Variants in TBC1D19 observed in about 807,000 individuals in gnomAD.
The protein encoded by TBC1D19 is TBC1 domain family member 19.
TBC1D19 carries 60 observed loss-of-function variants against 89.0 expected under a neutral mutation model. The ratio of observed to expected loss-of-function variants is 0.67; its 90% CI spans 0.55 to 0.84. The LOEUF (loss-of-function observed/expected upper bound fraction) is 0.84, where lower values mean the gene tolerates loss of function less well. Ranked by LOEUF, TBC1D19 falls within the 40% of genes least tolerant of loss-of-function variation. The pLI is 0.00. For missense variants in TBC1D19, 500 were observed against 610.8 expected (o/e 0.82, Z 1.91); for synonymous variants, 189 against 199.7 (o/e 0.95, Z 0.45).
chr4:26,786,803 G>A, the TBC1D19 span, among the ~76,000 whole-genome samples: 2 of 151,912 alleles, frequency 1.3e-5, no homozygotes, highest in African/African-American at 4.8e-5. Context: ...ATGGGTGGGT[G>A]GAAGGATGGA....
At chr4:26,671,922 T>A (rs1459675922) in intron 9 of TBC1D19, among the ~76,000 whole-genome samples, 1 of 151,832 alleles carries the variant, frequency 6.6e-6, no homozygotes, top group African/African-American at 2.4e-5. Context: ...AAAGGGAAAA[T>A]TCATTCATCA....
intron 5 of TBC1D19, 22 bp downstream of exon 5, chr4:26,637,307 T>C (rs1458675790): frequency 6.4e-7 from 1 of 1,568,218 alleles, no homozygotes; most frequent in Non-Finnish European, 8.8e-7. Context: ...CATTTTTCTG[T>C]TTAAGTATTT....
At chr4:26,673,633 A>C (rs1712533160) in intron 10 of TBC1D19, 143 bp from the exon 11 acceptor site, 2 of 633,720 alleles carry the variant, frequency 3.2e-6, no homozygotes, top group Admixed American at 2.8e-5. Context: ...CCAGAGAATA[A>C]ATTTTAAAAG....
In TBC1D19 at chr4:26,755,822, G is replaced by C. The variant is rs1719237041; in HGVS notation, c.*875G>C. Among the ~76,000 whole-genome samples the C allele has an allele frequency of 6.6e-6, 1 of 152,144 alleles. No individual in the cohort carries two copies. The highest frequency in any genetic ancestry group is 2.4e-5 in the African/African-American group (1 of 41,440). On this transcript the variant is annotated 3_prime_UTR_variant, in exon 21 of 21. Coordinates refer to ENST00000264866, the MANE Select transcript of TBC1D19 (RefSeq NM_018317.4). ...AGCAGCTGAGAGAGATTAAAAGTAGGTAGTAGGCATTCATTCTAAACTGCA... is the reference window on the plus strand; with the variant it reads ...AGCAGCTGAGAGAGATTAAAAGTAGCTAGTAGGCATTCATTCTAAACTGCA...
intron 4 of TBC1D19, among the ~76,000 whole-genome samples, chr4:26,631,295 A>G (rs1272112099): frequency 2.3e-4 from 35 of 152,172 alleles, no homozygotes; most frequent in African/African-American, 2.4e-5. Context: ...TTTATGACAT[A>G]TGGACTGATA....
intron 1 of TBC1D19, among the ~76,000 whole-genome samples, chr4:26,589,230 G>A (rs138648062): frequency 5.7e-4 from 86 of 152,158 alleles, no homozygotes; most frequent in African/African-American, 2.0e-3. Context: ...AGCCAAGATC[G>A]TGCCACTGCC....
chr4:26,830,572 A>G, the TBC1D19 span, among the ~76,000 whole-genome samples: 3 of 152,112 alleles, frequency 2.0e-5, no homozygotes, highest in African/African-American at 7.2e-5. Context: ...ATCTTCTGTT[A>G]CTGGGTATCT....
chr4:26,847,716 G>A, the TBC1D19 span, among the ~76,000 whole-genome samples: 798 of 152,292 alleles, frequency 5.2e-3, 4 homozygotes, highest in African/African-American at 0.018. Flanking sequence ...GAGGGCACAG[G>A]CAAAACAGGG....
chr4:26,595,468 G>A (rs1333439318), intron 1 of TBC1D19, among the ~76,000 whole-genome samples: 1 of 152,072 alleles, frequency 6.6e-6, no homozygotes, highest in South Asian at 2.1e-4. Context: ...ATTTGGTATT[G>A]TGTCTAGAAA....
intron 15 of TBC1D19, among the ~76,000 whole-genome samples, chr4:26,728,438 A>G (rs1717447973): frequency 6.6e-6 from 1 of 152,226 alleles, no homozygotes; most frequent in African/African-American, 2.4e-5. Flanking sequence ...GTTAGAAAAG[A>G]CAAACTTTGT....
intron 1 of TBC1D19, among the ~76,000 whole-genome samples, chr4:26,611,636 TG>T (rs1409231093): frequency 6.6e-6 from 1 of 152,176 alleles, no homozygotes; most frequent in African/African-American, 2.4e-5. Flanking sequence ...AGTAATTCAT[TG>T]GGGATTGCAA....
chr4:26,748,968 C>T (rs1718798510), intron 19 of TBC1D19, among the ~76,000 whole-genome samples: 1 of 152,230 alleles, frequency 6.6e-6, no homozygotes. Context: ...GAAACCTCAG[C>T]TCTTCTGTGT....
chr4:26,610,391 A>G lies in TBC1D19; in HGVS notation c.100-2778A>G, dbSNP rs1227628388. 7.6e-5 allele frequency among the ~76,000 whole-genome samples: 11 copies of G among 145,420 alleles called. 1 individual carries two copies. The highest frequency in any genetic ancestry group is 6.1e-4 in the Admixed American group (9 of 14,652). On this transcript the variant is annotated intron_variant, in intron 1 of 20. Transcript: ENST00000264866. ...CTCCGTTTCTGATAACATGATATTT[A>G]TGGTAATCACTTTTCTGCATTTCTT... is the stretch of plus-strand genomic sequence containing the variant.
At chr4:26,670,264 A>G (rs1251860277) in intron 9 of TBC1D19, among the ~76,000 whole-genome samples, 1 of 150,922 alleles carries the variant, frequency 6.6e-6, no homozygotes, top group Non-Finnish European at 1.5e-5. Context: ...TATGTTACGG[A>G]TCCCAGACAC....
rs117969987 is a variant in TBC1D19 at position 26,742,772 on chromosome 4, C to A, written c.1319+173C>A. Reference sequence around the variant, plus strand: ...TTGTAATAACATTGTTCCAAAAATTCTTGAAAGAATTACCAAAATCCTAAT... The same window carrying A: ...TTGTAATAACATTGTTCCAAAAATTATTGAAAGAATTACCAAAATCCTAAT... On this transcript the variant is annotated intron_variant, in intron 18 of 20. Transcript: ENST00000264866. Among the ~76,000 whole-genome samples the A allele has an allele frequency of 3.9e-5, 6 of 152,136 alleles. No individual in the cohort carries two copies. The East Asian group carries it at 1.2e-3, about 29-fold the overall frequency.
chr4:26,684,176 T>C (rs571274308), intron 12 of TBC1D19, among the ~76,000 whole-genome samples: 2 of 152,308 alleles, frequency 1.3e-5, no homozygotes, highest in South Asian at 4.1e-4. Flanking sequence ...GACATATGGC[T>C]AAGTATATCT....
chr4:26,816,775 A>C, the TBC1D19 span, among the ~76,000 whole-genome samples: 1 of 152,092 alleles, frequency 6.6e-6, no homozygotes, highest in African/African-American at 2.4e-5. Flanking sequence ...CACAAACCTA[A>C]TACATGTCAA....
chr4:26,802,660 A>T, the TBC1D19 span, among the ~76,000 whole-genome samples: 1 of 152,236 alleles, frequency 6.6e-6, no homozygotes. Flanking sequence ...ATAAAGCAAG[A>T]TACAGAAAAA....
intron 7 of TBC1D19, among the ~76,000 whole-genome samples, chr4:26,647,765 C>G (rs1028877270): frequency 2.0e-5 from 3 of 152,056 alleles, no homozygotes; most frequent in Non-Finnish European, 2.9e-5. Flanking sequence ...TTTGTTTTAT[C>G]TGCTGGCAAT....
Sources: gnomAD v4.1 joint callset for allele counts (sites outside exome capture counted in the v4.1 genomes callset) on GRCh38, gnomAD v4.1.1 for gene constraint, MANE v1.5 for transcripts, NCBI Gene and HGNC (gene_info 2026-07-23, HGNC 2026-07-21) for gene names.